The following ZNF490 variants were observed in gnomAD, a reference collection of about 807,000 sequenced individuals.
ZNF490 encodes the protein zinc finger protein 490.
A neutral mutation model predicts 17.7 loss-of-function variants in ZNF490; 11 were observed. The observed-to-expected ratio is 0.62, with a 90% CI of 0.39 to 1.03. The LOEUF (loss-of-function observed/expected upper bound fraction) is 1.03. Among genes scored for constraint, ZNF490 ranks in the 50% least tolerant of loss-of-function variants. The pLI is 0.00. For synonymous variants in ZNF490, 222 were observed against 216.1 expected (o/e 1.03, Z -0.24); for missense variants, 542 against 643.4 (o/e 0.84, Z 1.71).
chr19:12,599,063 A>C (rs1228308840), intron 2 of ZNF490, among the ~76,000 whole-genome samples: 2 of 147,972 alleles, frequency 1.4e-5, no homozygotes, highest in Non-Finnish European at 3.0e-5. Context: ...GAGGCAGGAG[A>C]ATCGCTTGAA....
intron 2 of ZNF490, among the ~76,000 whole-genome samples, chr19:12,594,768 G>A (rs1388028465): frequency 1.3e-5 from 2 of 152,140 alleles, no homozygotes; most frequent in Admixed American, 1.3e-4. Context: ...CTGCCTGGGC[G>A]ACAGAGTGAG....
chr19:12,598,986 C>CAAA (rs961842896), intron 2 of ZNF490, among the ~76,000 whole-genome samples: 1 of 127,316 alleles, frequency 7.9e-6, no homozygotes, highest in African/African-American at 2.9e-5. Context: ...GACTCCATCT[C>CAAA]AAAAAAAAAA....
rs1271968473 is a variant in ZNF490 at position 12,584,332 on chromosome 19, A to G, written c.163-776T>C. Among the ~76,000 whole-genome samples the G allele has an allele frequency of 2.3e-5, 2 of 86,276 alleles. 1 individual carries two copies. The highest frequency in any genetic ancestry group is 6.1e-4 in the South Asian group (2 of 3,280). 56.6% of individuals were successfully genotyped at this position (86,276 alleles called of 152,430 possible). A position where few individuals can be genotyped will look rare whatever the true frequency, so the allele number is the denominator to read the frequency against. ...CCACCACGCCCAGCTAATTTTTTGT[A>G]TTTTTAGTAGAGACGGGGTTTCACC... On this transcript the variant is annotated intron_variant, in intron 2 of 4. Transcript: ENST00000311437.
chr19:12,595,254 G>A (rs1568280944), intron 2 of ZNF490, among the ~76,000 whole-genome samples: 1 of 151,482 alleles, frequency 6.6e-6, no homozygotes, highest in East Asian at 1.9e-4. Flanking sequence ...AAATTCTCCT[G>A]CTCCCTAGTA....
intron 2 of ZNF490, among the ~76,000 whole-genome samples, chr19:12,583,804 TATATATA>T (rs1243769806): frequency 8.4e-6 from 1 of 118,396 alleles, no homozygotes; most frequent in African/African-American, 3.3e-5. Context: ...TATATATATA[TATATATA>T]TTTTTTTTTT....
chr19:12,594,402 G>T (rs868041659), intron 2 of ZNF490, among the ~76,000 whole-genome samples: 1 of 151,530 alleles, frequency 6.6e-6, no homozygotes, highest in Non-Finnish European at 1.5e-5. Flanking sequence ...GGAGGCAGAG[G>T]TTGCAGTGAG....
chr19:12,610,225 G>A (rs796620478), intron 1 of ZNF490, among the ~76,000 whole-genome samples: 34 of 148,918 alleles, frequency 2.3e-4, no homozygotes, highest in African/African-American at 7.7e-4. Flanking sequence ...TTTTTCTTGG[G>A]ATGGGTTCTG....
At chr19:12,584,110 A>ACC (rs2022786099) in intron 2 of ZNF490, among the ~76,000 whole-genome samples, 11 of 88,232 alleles carry the variant, frequency 1.2e-4, no homozygotes, top group East Asian at 6.5e-4. Context: ...GCACCCTGCC[A>ACC]TTATTTCTAT....
At chr19:12,599,849 A>C (rs931320121) in intron 2 of ZNF490, among the ~76,000 whole-genome samples, 1 of 152,206 alleles carries the variant, frequency 6.6e-6, no homozygotes, top group Non-Finnish European at 1.5e-5. Context: ...ATTGTAAAAG[A>C]AATTCTGTGT....
chr19:12,581,848 T>C, intron 4 of ZNF490, 124 bp from the exon 5 acceptor site: 1 of 916,444 alleles, frequency 1.1e-6, no homozygotes, highest in Non-Finnish European at 1.6e-6. Flanking sequence ...CCTGTCTAAA[T>C]TGTTTTGAAA....
rs1028936881 is a variant in ZNF490, at chr19:12,577,393, G to C, written c.*3092C>G. 1.0e-6 allele frequency: 1 copy of C among 977,626 alleles called. No individual in the cohort carries two copies. The highest frequency in any genetic ancestry group is 1.8e-5 in the African/African-American group (1 of 57,054). 60.6% of individuals were successfully genotyped at this position (977,626 alleles called of 1,614,324 possible). ...ACAGTGAAGGAATCTCGAACTTCCT[G>C]ACCTCCCACAGTACAATAATCATCT... On this transcript the variant is annotated 3_prime_UTR_variant, in exon 5 of 5. Coordinates refer to ENST00000311437, the MANE Select transcript of ZNF490 (RefSeq NM_020714.3).
intron 2 of ZNF490, among the ~76,000 whole-genome samples, chr19:12,596,226 C>A (rs1290020187): frequency 2.8e-5 from 4 of 141,390 alleles, no homozygotes; most frequent in Non-Finnish European, 6.0e-5. Context: ...GATGGTGTCA[C>A]TGCACTCCAG....
In ZNF490 at chr19:12,584,133, A is replaced by G. The variant is rs1402541743; in HGVS notation, c.163-577T>C. Among the ~76,000 whole-genome samples the G allele has an allele frequency of 1.1e-4, 6 of 56,944 alleles. 1 individual carries two copies. Among genetic ancestry groups the G allele is most frequent in the Admixed American group, 1.7e-4 (1 of 6,044 alleles). 37.4% of individuals were successfully genotyped at this position (56,944 alleles called of 152,430 possible). ...CCATTATTTCTATATTTTAACTGTG[A>G]TCACTTGAAGCCTTATTGTTCTTTT... On this transcript the variant is annotated intron_variant, in intron 2 of 4. Transcript: ENST00000311437.
Position 12,581,391 on chromosome 19 carries a change from G to T in ZNF490, c.684C>A (p.Gly228=). The T allele has an allele frequency of 6.2e-7, 1 of 1,613,420 alleles. No homozygotes were observed. The change falls in exon 5 of 5, where the codon GGC becomes GGA. Residue 228 remains glycine, a synonymous_variant. Coordinates refer to ENST00000311437, the MANE Select transcript of ZNF490 (RefSeq NM_020714.3). ...AGGAAAAGAGAAATGCGAAGGCTTTGCCACATTCCTTACATTCATAGGGTT... is the reference window on the plus strand; with the variant it reads ...AGGAAAAGAGAAATGCGAAGGCTTTTCCACATTCCTTACATTCATAGGGTT... ...GEKPYECKEC[G]KAFAFLFSFR...
rs568275660 is a variant in ZNF490, at chr19:12,584,380, T to C, written c.163-824A>G. Among the ~76,000 whole-genome samples the C allele has an allele frequency of 2.2e-5, 2 of 90,190 alleles. 1 individual carries two copies. The allele number at this position is 90,190 out of a possible 152,430, so 59.2% of individuals were successfully genotyped here. ...ACCATGTTAGCCAGGATGGTCTTGA[T>C]CTCCTGACCTCGTGAATCGCCCCCC... On this transcript the variant is annotated intron_variant, in intron 2 of 4. Coordinates refer to ENST00000311437, the MANE Select transcript of ZNF490 (RefSeq NM_020714.3).
chr19:12,605,804 A>C (rs951906077), intron 2 of ZNF490, among the ~76,000 whole-genome samples: 1 of 152,162 alleles, frequency 6.6e-6, no homozygotes, highest in Non-Finnish European at 1.5e-5. Context: ...GAAGTGAAGT[A>C]TTCTGTTAAA....
intron 2 of ZNF490, among the ~76,000 whole-genome samples, chr19:12,598,767 T>C (rs1439807795): frequency 6.6e-6 from 1 of 151,114 alleles, no homozygotes; most frequent in African/African-American, 2.4e-5. Context: ...GGCAGGCGGA[T>C]CATGAGGTCA....
Position 12,578,942 on chromosome 19 carries a change from G to C in ZNF490, c.*1543C>G. 2 of 985,444 alleles carry C rather than the reference G, an allele frequency of 2.0e-6. No individual in the cohort carries two copies. Among genetic ancestry groups the C allele is most frequent in the Non-Finnish European group, 2.4e-6 (2 of 829,974 alleles). The allele number at this position is 985,444 out of a possible 1,614,324, so 61.0% of individuals were successfully genotyped here. A position where few individuals can be genotyped will look rare whatever the true frequency, so the allele number is the denominator to read the frequency against. On this transcript the variant is annotated 3_prime_UTR_variant, in exon 5 of 5. Transcript: ENST00000311437. The stretch of plus-strand genomic sequence containing the variant: ...TTTAAGAAGGTGGCTCTCCAGTGTG[G>C]GTGGTTTCATGGTTTTAAAATGAAC...
intron 2 of ZNF490, among the ~76,000 whole-genome samples, chr19:12,586,568 C>T (rs1049751569): frequency 1.1e-5 from 1 of 93,668 alleles, no homozygotes; most frequent in African/African-American, 3.2e-5. Flanking sequence ...GCCCAGATCT[C>T]AACAAAAATT....
Sources: allele counts gnomAD v4.1 joint callset (sites outside exome capture counted in the v4.1 genomes callset), GRCh38; gene constraint gnomAD v4.1.1; transcripts MANE v1.5; gene names NCBI Gene and HGNC (gene_info 2026-07-23, HGNC 2026-07-21).